Variants in TET1 observed in about 807,000 individuals in gnomAD.
TET1 encodes the protein methylcytosine dioxygenase TET1.
TET1 carries 13 observed loss-of-function variants against 148.7 expected under a neutral mutation model. The observed-to-expected ratio is 0.09, with a 90% CI of 0.06 to 0.14. The LOEUF (loss-of-function observed/expected upper bound fraction) is 0.14. Among genes scored for constraint, TET1 ranks in the 10% least tolerant of loss-of-function variants. TET1 has a pLI of 1.00. For missense variants in TET1, 2,182 were observed against 2,553.8 expected (o/e 0.85, Z 3.14); for synonymous variants, 907 against 937.2 (o/e 0.97, Z 0.59).
chr10:68,600,083 C>G (rs1164688676), intron 2 of TET1, among the ~76,000 whole-genome samples: 2 of 152,100 alleles, frequency 1.3e-5, no homozygotes, highest in African/African-American at 2.4e-5. Flanking sequence ...ATGAGACACG[C>G]AGCCCAACAG....
intron 2 of TET1, among the ~76,000 whole-genome samples, chr10:68,592,277 C>G (rs72637095): frequency 6.6e-6 from 1 of 152,056 alleles, no homozygotes. Flanking sequence ...GATCGTGCCA[C>G]TGCATGCCAG....
At chr10:68,601,820 T>C (rs1391312967) in intron 3 of TET1, among the ~76,000 whole-genome samples, 2 of 146,546 alleles carry the variant, frequency 1.4e-5, no homozygotes, top group African/African-American at 2.4e-5. Flanking sequence ...CAAGCCACCT[T>C]TTAAATTCAT....
At chr10:68,690,664 G>T in intron 11 of TET1, 144 bp from the exon 12 acceptor site, 1 of 607,462 alleles carries the variant, frequency 1.6e-6, no homozygotes, top group African/African-American at 1.9e-5. Context: ...TTTGTGATTT[G>T]AAATGAACAG....
At chr10:68,624,694 C>CTCTCTCTCTCTCTCTT (rs768656277) in intron 3 of TET1, among the ~76,000 whole-genome samples, 5 of 95,936 alleles carry the variant, frequency 5.2e-5, no homozygotes, top group Admixed American at 1.2e-4. Flanking sequence ...CTCTCTCTCT[C>CTCTCTCTCTCTCTCTT]TCTTTCTTTC....
intron 1 of TET1, among the ~76,000 whole-genome samples, chr10:68,563,449 C>G (rs1247461792): frequency 1.3e-5 from 2 of 152,212 alleles, no homozygotes; most frequent in African/African-American, 2.4e-5. Flanking sequence ...TTCTGTAGAG[C>G]TGAATGGAGG....
rs750532863 is a variant in TET1, at chr10:68,672,979, T to C, written c.4758T>C (p.Asn1586=). ...GCTGTTCATGGAGTATGTACTTTAATGGCTGTAAGTTTGGTAGAAGCCCAA... is the reference window on the plus strand; with the variant it reads ...GCTGTTCATGGAGTATGTACTTTAACGGCTGTAAGTTTGGTAGAAGCCCAA... ...SFGCSWSMYF[N]GCKFGRSPSP... The change falls in exon 8 of 12, where the codon AAT becomes AAC. Residue 1586 remains asparagine, a synonymous_variant. Transcript: ENST00000373644. 2 of 1,612,908 alleles carry C rather than the reference T, an allele frequency of 1.2e-6. No homozygotes were observed. The highest frequency in any genetic ancestry group is 1.7e-6 in the Non-Finnish European group (2 of 1,179,110).
chr10:68,661,863 T>TA (rs1185168676), intron 6 of TET1, among the ~76,000 whole-genome samples: 5 of 139,974 alleles, frequency 3.6e-5, no homozygotes, highest in African/African-American at 1.3e-4. Context: ...TTTTTTAATT[T>TA]AAAAAAAATT....
Position 68,682,887 on chromosome 10 carries a change from C to T in TET1, c.4966C>T (p.Arg1656Cys). Residue 1656 changes from arginine to cysteine, a missense_variant, in exon 10 of 12, where the codon CGT becomes TGT. Physicochemically the swap from Arg to Cys is radical, Grantham distance 180 (BLOSUM62 -3). Coordinates refer to ENST00000373644, the MANE Select transcript of TET1 (RefSeq NM_030625.3). ...RECRLGSKEG[R>C]PFSGVTACLD... is the part of the protein sequence containing the mutation. ...ATGTCGGCTTGGCAGCAAGGAAGGTCGTCCCTTCTCTGGGGTCACTGCTTG... is the reference window on the plus strand; with the variant it reads ...ATGTCGGCTTGGCAGCAAGGAAGGTTGTCCCTTCTCTGGGGTCACTGCTTG... The T allele has an allele frequency of 6.2e-7, 1 of 1,613,698 alleles. No homozygotes were observed. The highest frequency in any genetic ancestry group is 8.5e-7 in the Non-Finnish European group (1 of 1,179,946).
At chr10:68,570,776 C>A (rs2133680256) in intron 1 of TET1, among the ~76,000 whole-genome samples, 1 of 150,990 alleles carries the variant, frequency 6.6e-6, no homozygotes, top group Admixed American at 6.6e-5. Context: ...ACTACGGGCA[C>A]CCGCCGCCAC....
In TET1 at chr10:68,692,189, C is replaced by T; in HGVS notation, c.*375C>T. 1 of 272,120 alleles carries T rather than the reference C, an allele frequency of 3.7e-6. No individual in the cohort carries two copies. Among genetic ancestry groups the T allele is most frequent in the Admixed American group, 4.7e-5 (1 of 21,388 alleles). 16.9% of individuals were successfully genotyped at this position (272,120 alleles called of 1,614,324 possible). A position where few individuals can be genotyped will look rare whatever the true frequency, so the allele number is the denominator to read the frequency against. On this transcript the variant is annotated 3_prime_UTR_variant, in exon 12 of 12. Coordinates refer to ENST00000373644, the MANE Select transcript of TET1 (RefSeq NM_030625.3). ...TGTTCTATGATGTAAAATCAAGACA[C>T]ACAGTGTTAACTCTACACAGCTTCT...
chr10:68,684,651 C>G (rs1159480030), intron 10 of TET1, among the ~76,000 whole-genome samples: 3 of 152,160 alleles, frequency 2.0e-5, no homozygotes. Flanking sequence ...CAATGAGGGT[C>G]TTATCCGGAA....
At chr10:68,688,286 C>T (rs1165879903) in intron 11 of TET1, among the ~76,000 whole-genome samples, 4 of 150,382 alleles carry the variant, frequency 2.7e-5, no homozygotes, top group Admixed American at 6.7e-5. Flanking sequence ...TTAGTTGAGA[C>T]GGAGTTTCAC....
Position 68,645,038 on chromosome 10 carries a change from C to G in TET1, c.2309C>G (p.Thr770Arg), listed in dbSNP as rs1564988313. The change falls in exon 4 of 12, where the codon ACA becomes AGA. Residue 770 changes from threonine (T) to arginine (R), a missense_variant. Coordinates refer to ENST00000373644, the MANE Select transcript of TET1 (RefSeq NM_030625.3). ...CATGTACACTGTTTACCAGCTGAAA[C>G]AAATGTTTCATTTAAAAAATTCAAT... ...IKHVHCLPAE[T>R]NVSFKKFNIE... 6.2e-7 allele frequency: 1 copy of G among 1,613,082 alleles called. No individual in the cohort carries two copies. Among genetic ancestry groups the G allele is most frequent in the Non-Finnish European group, 8.5e-7 (1 of 1,179,730 alleles).
rs148304378 is a variant in TET1 at position 68,650,321 on chromosome 10, A to G, written c.4277-1525A>G. Among the ~76,000 whole-genome samples, 280 of 152,212 alleles carry G rather than the reference A, an allele frequency of 1.8e-3. 1 individual carries two copies. The highest frequency in any genetic ancestry group is 6.5e-3 in the African/African-American group (272 of 41,530). On this transcript the variant is annotated intron_variant, in intron 4 of 11. Transcript: ENST00000373644. ...CTGTAGATCACTAAGAATAAGATAA[A>G]ATCTATCAAGTGTATCTTACTTAAG...
intron 3 of TET1, chr10:68,632,242 A>G: frequency 4.1e-6 from 3 of 740,358 alleles, no homozygotes; most frequent in Non-Finnish European, 6.5e-6. Context: ...GAATGGCGTG[A>G]ACCCGGGAGG....
chr10:68,674,470 C>G (rs2055323012), intron 8 of TET1: 2 of 398,816 alleles, frequency 5.0e-6, no homozygotes. Flanking sequence ...GTCACCAGAA[C>G]CCAAGGAACC....
At chr10:68,583,507 G>A (rs2053825002) in intron 2 of TET1, among the ~76,000 whole-genome samples, 1 of 152,146 alleles carries the variant, frequency 6.6e-6, no homozygotes, top group Non-Finnish European at 1.5e-5. Flanking sequence ...TGTCTGCTAT[G>A]AGTGCAACAA....
At chr10:68,651,968 T>G in intron 5 of TET1, 32 bp downstream of exon 5, 4 of 1,564,044 alleles carry the variant, frequency 2.6e-6, no homozygotes, top group Non-Finnish European at 3.5e-6. Flanking sequence ...TTAAAATCAT[T>G]CTTACTGTGG....
Position 68,665,332 on chromosome 10 carries a change from G to A in TET1, c.4462-1713G>A, listed in dbSNP as rs527265913. Among the ~76,000 whole-genome samples, 13 of 151,844 alleles carry A rather than the reference G, an allele frequency of 8.6e-5. No individual in the cohort carries two copies. In the South Asian group the frequency reaches 2.7e-3, roughly 32 times the overall value. ...CGAACCTCTGATAGGGTTTTGATTG[G>A]GATTGCATTGAATCTAGAGATCAAT... On this transcript the variant is annotated intron_variant, in intron 6 of 11. Transcript: ENST00000373644.
Sources: gnomAD v4.1 joint callset for allele counts (sites outside exome capture counted in the v4.1 genomes callset) on GRCh38, gnomAD v4.1.1 for gene constraint, MANE v1.5 for transcripts, NCBI Gene and HGNC (gene_info 2026-07-23, HGNC 2026-07-21) for gene names.